GRID2: variants seen among roughly 807,000 people sequenced by gnomAD.
GRID2 encodes the protein glutamate ionotropic receptor delta type subunit 2.
GRID2 carries 33 observed loss-of-function variants against 114.8 expected under a neutral mutation model. The observed-to-expected ratio is 0.29, with a 90% CI of 0.22 to 0.38. The LOEUF (loss-of-function observed/expected upper bound fraction) is 0.38, where lower values mean the gene tolerates loss of function less well. Among genes scored for constraint, GRID2 ranks in the 10% least tolerant of loss-of-function variants. The probability of loss-of-function intolerance (pLI) is 1.00; values close to 1 mark genes in which losing one functional copy is unlikely to be tolerated. For synonymous variants in GRID2, 505 were observed against 449.9 expected, an observed-to-expected ratio of 1.12 and a Z score of -1.55; for missense variants, 1,184 against 1,257.7, an observed-to-expected ratio of 0.94 and a Z score of 0.89.
At chr4:92,317,099 A>G (rs1194754145) in intron 1 of GRID2, among the ~76,000 whole-genome samples, 2 of 152,178 alleles carry the variant, frequency 1.3e-5, no homozygotes, top group African/African-American at 4.8e-5. Flanking sequence ...ATATTGCATT[A>G]AGCATGATTT....
chr4:93,607,894 G>A (rs934760975), intron 13 of GRID2, among the ~76,000 whole-genome samples: 31 of 151,924 alleles, frequency 2.0e-4, no homozygotes, highest in South Asian at 8.3e-4. Flanking sequence ...CATTAGAGAA[G>A]CATCTGTATA....
intron 1 of GRID2, among the ~76,000 whole-genome samples, chr4:92,396,336 T>TTTCC (rs1156670676): frequency 2.0e-5 from 3 of 151,998 alleles, no homozygotes; most frequent in Non-Finnish European, 2.9e-5. Context: ...CCAGAATGTC[T>TTTCC]TGCATGTTAT....
intron 14 of GRID2, among the ~76,000 whole-genome samples, chr4:93,700,311 C>G (rs182946414): frequency 1.3e-5 from 2 of 152,018 alleles, no homozygotes; most frequent in African/African-American, 2.4e-5. Context: ...AAAACCTGTC[C>G]CAACCCTGTA....
intron 8 of GRID2, among the ~76,000 whole-genome samples, chr4:93,300,136 G>C (rs2149165613): frequency 6.6e-6 from 1 of 151,948 alleles, no homozygotes; most frequent in East Asian, 1.9e-4. Context: ...TGTGTGATGG[G>C]GTCTCCTTAT....
At chr4:93,284,086 A>G (rs1397708690) in intron 8 of GRID2, among the ~76,000 whole-genome samples, 2 of 151,994 alleles carry the variant, frequency 1.3e-5, no homozygotes, top group African/African-American at 4.8e-5. Flanking sequence ...CAGATTTTCT[A>G]CTTTTTCTTA....
intron 13 of GRID2, 95 bp from the exon 14 acceptor site, chr4:93,626,174 A>AAT (rs1490452810): frequency 3.2e-6 from 2 of 631,284 alleles, no homozygotes; most frequent in African/African-American, 3.7e-5. Context: ...AGCATAATTA[A>AAT]ATATATACCA....
chr4:93,797,005 G>A (rs181793008), intron 1 of GRID2, among the ~76,000 whole-genome samples: 1 of 152,320 alleles, frequency 6.6e-6, no homozygotes, highest in East Asian at 1.9e-4. Context: ...AGATGGTATA[G>A]CCTACTACAC....
chr4:93,569,321 T>C (rs1394101140), intron 13 of GRID2, among the ~76,000 whole-genome samples: 2 of 152,150 alleles, frequency 1.3e-5, no homozygotes, highest in African/African-American at 2.4e-5. Flanking sequence ...ATTATCTTAG[T>C]TTCTGCTTCT....
chr4:93,311,854 G>A (rs550340668), intron 8 of GRID2, among the ~76,000 whole-genome samples: 3 of 152,152 alleles, frequency 2.0e-5, no homozygotes, highest in African/African-American at 2.4e-5. Context: ...ATTAATCTTA[G>A]CGTGAGCGGT....
At chr4:93,094,367 A>G (rs1731025176) in intron 3 of GRID2, among the ~76,000 whole-genome samples, 1 of 152,070 alleles carries the variant, frequency 6.6e-6, no homozygotes, top group African/African-American at 2.4e-5. Context: ...ATTTTGAAAT[A>G]CATTTTATAT....
intron 1 of GRID2, among the ~76,000 whole-genome samples, chr4:92,377,067 G>C (rs1729389402): frequency 6.6e-6 from 1 of 152,142 alleles, no homozygotes. Flanking sequence ...TCTGCAGCCT[G>C]CTTGAATTTC....
chr4:93,005,640 AAAAG>A (rs1402447949), intron 2 of GRID2, among the ~76,000 whole-genome samples: 2 of 152,112 alleles, frequency 1.3e-5, no homozygotes, highest in African/African-American at 2.4e-5. Context: ...CCAATAAATA[AAAAG>A]AACCCCAAGT....
chr4:93,647,352 T>C (rs1343885912), intron 14 of GRID2, among the ~76,000 whole-genome samples: 1 of 152,194 alleles, frequency 6.6e-6, no homozygotes, highest in African/African-American at 2.4e-5. Context: ...AATGATAGAA[T>C]GGGCTCCATG....
At chr4:93,153,541 G>A (rs572992865) in intron 4 of GRID2, among the ~76,000 whole-genome samples, 1 of 152,184 alleles carries the variant, frequency 6.6e-6, no homozygotes, top group Non-Finnish European at 1.5e-5. Flanking sequence ...TTAGGTAGCA[G>A]TGAGGCAGCT....
chr4:93,541,205 G>A (rs1413028267), intron 13 of GRID2, among the ~76,000 whole-genome samples: 1 of 152,084 alleles, frequency 6.6e-6, no homozygotes, highest in African/African-American at 2.4e-5. Flanking sequence ...TTCCCAAAAG[G>A]CACTTAGTAC....
At position 92,310,327 on chromosome 4, in the gene GRID2, C is replaced by T. The variant is rs564318856; in HGVS notation, c.88+5583C>T. Among the ~76,000 whole-genome samples, 5 of 152,106 alleles carry T rather than the reference C, an allele frequency of 3.3e-5. No homozygotes were observed. In the East Asian group the frequency reaches 9.7e-4, roughly 29 times the overall value. The stretch of plus-strand genomic sequence containing the variant: ...TTTTAATCTGATAATTTAGTTTTAA[C>T]ATTGGCAAACTCACATTATTAGAGA... On this transcript the variant is annotated intron_variant, in intron 1 of 15. Transcript: ENST00000282020.
At chr4:93,042,894 G>T (rs879521351) in intron 2 of GRID2, among the ~76,000 whole-genome samples, 2 of 151,396 alleles carry the variant, frequency 1.3e-5, no homozygotes, top group African/African-American at 2.4e-5. Flanking sequence ...GAGCAGGCAG[G>T]CAACAAAGAG....
chr4:93,480,150 T>C (rs1030446421), intron 11 of GRID2, among the ~76,000 whole-genome samples: 7 of 152,094 alleles, frequency 4.6e-5, no homozygotes, highest in African/African-American at 1.7e-4. Flanking sequence ...ACTAGGAGAA[T>C]ACTTAAATAA....
chr4:92,961,478 C>G (rs1752806944), intron 2 of GRID2, among the ~76,000 whole-genome samples: 1 of 151,080 alleles, frequency 6.6e-6, no homozygotes, highest in African/African-American at 2.4e-5. Flanking sequence ...ATATTTTCCT[C>G]TTAATATTAA....
Sources: allele counts gnomAD v4.1 joint callset (sites outside exome capture counted in the v4.1 genomes callset), GRCh38; gene constraint gnomAD v4.1.1; transcripts MANE v1.5; gene names NCBI Gene and HGNC (gene_info 2026-07-23, HGNC 2026-07-21).